The following BRCA2 variants were observed in gnomAD, a reference collection of about 807,000 sequenced individuals.
BRCA2 encodes the protein BRCA2 DNA repair associated, also known as breast cancer type 2 susceptibility protein.
Under a neutral mutation model 276.7 loss-of-function variants are expected in BRCA2, and 203 were observed. The observed-to-expected ratio is 0.73, with a 90% CI of 0.65 to 0.82. BRCA2 has a LOEUF of 0.82. Ranked by LOEUF, BRCA2 falls within the 40% of genes least tolerant of loss-of-function variation. The pLI is 0.00. For synonymous variants in BRCA2, 1,289 were observed against 1,338.4 expected, an observed-to-expected ratio of 0.96 and a Z score of 0.81; for missense variants, 3,920 against 3,915.0, an observed-to-expected ratio of 1.00 and a Z score of -0.03.
chr13:32,316,561 C>A (rs765135557), intron 2 of BRCA2, 34 bp downstream of exon 2: 1 of 1,571,060 alleles, frequency 6.4e-7, no homozygotes, highest in Non-Finnish European at 8.7e-7. Flanking sequence ...TTATAAATTA[C>A]ACCGAGAAAG....
In BRCA2 at chr13:32,338,240, AAAT is replaced by A; in HGVS notation, c.3890_3892del (p.Asn1297del). 6.5e-7 allele frequency: 1 copy of A among 1,544,654 alleles called. No individual in the cohort carries two copies. The highest frequency in any genetic ancestry group is 8.7e-7 in the Non-Finnish European group (1 of 1,145,424). ...ATAATAAATGCCAACTGATATTACA[AAAT>A]AATATTGAAATGACTACTGGCACTT... On this transcript the variant is annotated inframe_deletion, in exon 11 of 27. Transcript: ENST00000380152.
rs564316199 is a variant in BRCA2 at position 32,337,540 on chromosome 13, C to T, written c.3185C>T (p.Pro1062Leu). The change falls in exon 11 of 27, where the codon CCT becomes CTT. Residue 1062 changes from proline (P) to leucine (L), a missense_variant. By Grantham distance (98) the Pro-to-Leu change is moderately conservative. This residue lies in a region of BRCA2 where 3,263 missense variants were observed against 3,156.9 expected (regional missense o/e 1.03). Transcript: ENST00000380152. ...ALDNQKKLSK[P>L]QSINTVSAHL... ...GATAATCAAAAGAAACTGAGCAAGC[C>T]TCAGTCAATTAATACTGTATCTGCA... 1 of 1,607,970 alleles carries T rather than the reference C, an allele frequency of 6.2e-7. No individual in the cohort carries two copies. The highest frequency in any genetic ancestry group is 1.7e-5 in the Admixed American group (1 of 59,166).
rs372290911 is a variant in BRCA2 at position 32,399,179 on chromosome 13, T to C, written c.*409T>C. On this transcript the variant is annotated 3_prime_UTR_variant, in exon 27 of 27. Transcript: ENST00000380152. ...GGGAAAAGAAAATCTTTTAAATCTT[T>C]GGATTTGATCACTACAAGTATTATT... The C allele has an allele frequency of 1.6e-4, 38 of 235,772 alleles. No individual in the cohort carries two copies. Among genetic ancestry groups the C allele is most frequent in the African/African-American group, 8.1e-4 (36 of 44,400 alleles). The allele number at this position is 235,772 out of a possible 1,614,324, so 14.6% of individuals were successfully genotyped here.
chr13:32,391,627 C>T lies in BRCA2; in HGVS notation c.9257-3062C>T, dbSNP rs11571809. ...CAGTGGTTTTATAAATTGCTAAGTC[C>T]TTTATTGTTTCAGTGACATTTTCTA... On this transcript the variant is annotated intron_variant, in intron 24 of 26. Transcript: ENST00000380152. Among the ~76,000 whole-genome samples the T allele has an allele frequency of 0.04, 6,167 of 152,306 alleles. 213 individuals carry two copies. Among genetic ancestry groups the T allele is most frequent in the South Asian group, 0.11 (554 of 4,832 alleles).
chr13:32,385,514 C>T, intron 24 of BRCA2: 1 of 225,324 alleles, frequency 4.4e-6, no homozygotes, highest in Non-Finnish European at 9.7e-6. Flanking sequence ...TTGCAGGCAA[C>T]TCCCACTTCT....
chr13:32,390,929 G>T (rs115799448), intron 24 of BRCA2, among the ~76,000 whole-genome samples: 1 of 152,310 alleles, frequency 6.6e-6, no homozygotes, highest in African/African-American at 2.4e-5. Flanking sequence ...CCACTTTACA[G>T]ATGGGGAAAC....
intron 24 of BRCA2, among the ~76,000 whole-genome samples, chr13:32,389,424 ATCT>A (rs750567739): frequency 6.6e-6 from 1 of 152,106 alleles, no homozygotes; most frequent in African/African-American, 2.4e-5. Flanking sequence ...TCTTCCTTTA[ATCT>A]TCTCTTTTCT....
chr13:32,368,874 G>A (rs1343256219), intron 18 of BRCA2, among the ~76,000 whole-genome samples: 2 of 149,960 alleles, frequency 1.3e-5, no homozygotes, highest in Non-Finnish European at 3.0e-5. Flanking sequence ...GCAGTGGTGC[G>A]ATCTCGGCTC....
At chr13:32,361,434 G>C (rs184820499) in intron 16 of BRCA2, among the ~76,000 whole-genome samples, 1 of 152,164 alleles carries the variant, frequency 6.6e-6, no homozygotes, top group Non-Finnish European at 1.5e-5. Flanking sequence ...GAATACAGTC[G>C]ATTCTTTTGG....
intron 11 of BRCA2, among the ~76,000 whole-genome samples, chr13:32,342,100 C>T (rs1367991122): frequency 1.3e-5 from 2 of 151,712 alleles, no homozygotes; most frequent in Non-Finnish European, 2.9e-5. Flanking sequence ...GGTGAAACCC[C>T]ATCTTTACTA....
At chr13:32,383,176 C>A (rs1593194914) in intron 24 of BRCA2, among the ~76,000 whole-genome samples, 3 of 115,304 alleles carry the variant, frequency 2.6e-5, no homozygotes, top group Non-Finnish European at 3.8e-5. Flanking sequence ...CTGGATAACA[C>A]GGTGAAACCC....
intron 3 of BRCA2, among the ~76,000 whole-genome samples, chr13:32,322,906 T>C (rs896438426): frequency 2.0e-5 from 3 of 152,254 alleles, no homozygotes; most frequent in Admixed American, 6.5e-5. Context: ...TGTGTGTGAA[T>C]ATATTTTCAA....
chr13:32,371,406 TGTG>T (rs1054528483), intron 20 of BRCA2, among the ~76,000 whole-genome samples: 4 of 152,132 alleles, frequency 2.6e-5, no homozygotes, highest in African/African-American at 4.8e-5. Flanking sequence ...TAGGACCTAT[TGTG>T]GTGTCAATTT....
At position 32,379,718 on chromosome 13, in the gene BRCA2, CCATTG is replaced by C. The variant is rs771512421; in HGVS notation, c.8954-28_8954-24del. 9 of 1,593,074 alleles carry C rather than the reference CCATTG, an allele frequency of 5.6e-6. No homozygotes were observed. The Admixed American group carries it at 1.5e-4, about 27-fold the overall frequency. ...AACATTTAAATGATAATCACTTCTT[CCATTG>C]CATCTTTCTCATCTTTCTCCAAACA... On this transcript the variant is annotated intron_variant, in intron 22 of 26. Transcript: ENST00000380152.
intron 21 of BRCA2, among the ~76,000 whole-genome samples, chr13:32,378,590 A>G (rs1384123038): frequency 6.6e-6 from 1 of 152,206 alleles, no homozygotes; most frequent in Admixed American, 6.5e-5. Context: ...CCTTCCCGGT[A>G]GAGATTAGGA....
chr13:32,387,561 C>T (rs1465327793), intron 24 of BRCA2, among the ~76,000 whole-genome samples: 2 of 152,202 alleles, frequency 1.3e-5, no homozygotes, highest in African/African-American at 4.8e-5. Context: ...ACACTCTGCT[C>T]CACCAGCTTC....
At chr13:32,341,226 C>A (rs1166257417) in intron 11 of BRCA2, 30 bp downstream of exon 11, 1 of 1,613,274 alleles carries the variant, frequency 6.2e-7, no homozygotes, top group Non-Finnish European at 8.5e-7. Flanking sequence ...TTTCGTGTTG[C>A]CAATCACTAT....
At chr13:32,320,962 T>C (rs1456228325) in intron 3 of BRCA2, among the ~76,000 whole-genome samples, 3 of 152,196 alleles carry the variant, frequency 2.0e-5, no homozygotes, top group Non-Finnish European at 4.4e-5. Flanking sequence ...CCCATGAGTC[T>C]ACATTTTAAA....
At position 32,363,300 on chromosome 13, in the gene BRCA2, A is replaced by C. The variant is rs80359053; in HGVS notation, c.8098A>C (p.Ile2700Leu). 14 of 1,614,090 alleles carry C rather than the reference A, an allele frequency of 8.7e-6. No individual in the cohort carries two copies. The highest frequency in any genetic ancestry group is 2.7e-5 in the African/African-American group (2 of 74,950). ...VSDIISLSAN[I>L]SETSSNKTSS... Reference sequence around the variant, plus strand: ...TGACATAATTTCATTGAGCGCAAATATATCTGAAACTTCTAGCAATAAAAC... The same window carrying C: ...TGACATAATTTCATTGAGCGCAAATCTATCTGAAACTTCTAGCAATAAAAC... Residue 2700 changes from isoleucine (I) to leucine (L), a missense_variant, in exon 18 of 27, where the codon ATA (isoleucine) becomes CTA (leucine). Transcript: ENST00000380152.
Sources: allele counts gnomAD v4.1 joint callset (sites outside exome capture counted in the v4.1 genomes callset), GRCh38; gene constraint gnomAD v4.1.1; regional missense constraint gnomAD v4.1.1; transcripts MANE v1.5; gene names NCBI Gene and HGNC (gene_info 2026-07-23, HGNC 2026-07-21).